The following LHFPL3 variants were observed in gnomAD, a reference collection of about 807,000 sequenced individuals.
The protein encoded by LHFPL3 is LHFPL tetraspan subfamily member 3 protein.
In LHFPL3, 5 loss-of-function variants were observed where a neutral mutation model predicts 19.3. That is an observed-to-expected ratio of 0.26 (90% CI 0.14 to 0.54). LHFPL3 has a LOEUF of 0.54. LHFPL3 is among the 20% of genes least tolerant of loss of function. The pLI is 0.94. For missense variants in LHFPL3, 249 were observed against 307.4 expected, an observed-to-expected ratio of 0.81 and a Z score of 1.42; for synonymous variants, 133 against 126.2, an observed-to-expected ratio of 1.05 and a Z score of -0.36.
chr7:104,371,114 C>G (rs1319056927), intron 1 of LHFPL3, among the ~76,000 whole-genome samples: 1 of 152,118 alleles, frequency 6.6e-6, no homozygotes, highest in Non-Finnish European at 1.5e-5. Flanking sequence ...GTCCTGTGGT[C>G]TGATTAGCTG....
chr7:104,641,003 G>A (rs1279085932), intron 1 of LHFPL3, among the ~76,000 whole-genome samples: 1 of 152,192 alleles, frequency 6.6e-6, no homozygotes, highest in Non-Finnish European at 1.5e-5. Flanking sequence ...TTCTTAGGTT[G>A]ACTCATATTA....
chr7:104,340,479 A>G (rs1482344738), intron 1 of LHFPL3, among the ~76,000 whole-genome samples: 1 of 152,146 alleles, frequency 6.6e-6, no homozygotes, highest in Non-Finnish European at 1.5e-5. Flanking sequence ...CATAGTAAGC[A>G]CTCAAAAAAA....
At chr7:104,687,382 G>T (rs1792826501) in intron 1 of LHFPL3, among the ~76,000 whole-genome samples, 1 of 152,066 alleles carries the variant, frequency 6.6e-6, no homozygotes, top group South Asian at 2.1e-4. Flanking sequence ...TTTTTATAGA[G>T]GCCTCATTAC....
At chr7:104,509,455 C>CATAT (rs1382666918) in intron 1 of LHFPL3, among the ~76,000 whole-genome samples, 1 of 151,924 alleles carries the variant, frequency 6.6e-6, no homozygotes, top group African/African-American at 2.4e-5. Flanking sequence ...TATAATCCAC[C>CATAT]ATATTCACAG....
At chr7:104,665,777 G>C (rs763290622) in intron 1 of LHFPL3, among the ~76,000 whole-genome samples, 1 of 152,180 alleles carries the variant, frequency 6.6e-6, no homozygotes, top group Non-Finnish European at 1.5e-5. Context: ...GGAGGAAATT[G>C]ACCTGTTTTG....
intron 1 of LHFPL3, among the ~76,000 whole-genome samples, chr7:104,603,066 T>TTCTTTCTTTC (rs1453775700): frequency 9.2e-6 from 1 of 108,904 alleles, no homozygotes; most frequent in Non-Finnish European, 1.8e-5. Context: ...CTTTCTTTCT[T>TTCTTTCTTTC]TTTCTTTCTT....
intron 2 of LHFPL3, among the ~76,000 whole-genome samples, chr7:104,763,461 C>T (rs2116377750): frequency 6.6e-6 from 1 of 152,328 alleles, no homozygotes; most frequent in Admixed American, 6.5e-5. Flanking sequence ...TATTGTTTTC[C>T]TATACATGGC....
intron 1 of LHFPL3, among the ~76,000 whole-genome samples, chr7:104,628,200 G>A (rs2216245): frequency 0.96 from 146,168 of 152,198 alleles, 70,424 homozygotes; most frequent in East Asian, 1. Flanking sequence ...CTCTACATCA[G>A]TGCTGATAAT....
chr7:104,446,258 G>T (rs988964986), intron 1 of LHFPL3, among the ~76,000 whole-genome samples: 7 of 152,184 alleles, frequency 4.6e-5, no homozygotes, highest in African/African-American at 1.7e-4. Flanking sequence ...TCTTATAGGA[G>T]GAAGGGGGCA....
At chr7:104,748,312 C>A (rs534002688) in intron 2 of LHFPL3, among the ~76,000 whole-genome samples, 2 of 151,246 alleles carry the variant, frequency 1.3e-5, no homozygotes, top group African/African-American at 4.9e-5. Flanking sequence ...AAGGGAAAGA[C>A]CTGACCGTCC....
intron 1 of LHFPL3, among the ~76,000 whole-genome samples, chr7:104,728,418 C>T (rs963789779): frequency 3.3e-5 from 5 of 152,152 alleles, no homozygotes; most frequent in African/African-American, 1.2e-4. Flanking sequence ...ATAACCCTTG[C>T]CTGCTTTGCA....
At chr7:104,666,722 C>A (rs139253039) in intron 1 of LHFPL3, among the ~76,000 whole-genome samples, 7 of 150,760 alleles carry the variant, frequency 4.6e-5, no homozygotes, top group African/African-American at 1.7e-4. Flanking sequence ...GGGGTTTCAC[C>A]GTTTTTAGCC....
intron 1 of LHFPL3, among the ~76,000 whole-genome samples, chr7:104,355,013 A>C (rs905935523): frequency 7.9e-5 from 12 of 152,322 alleles, no homozygotes; most frequent in African/African-American, 2.9e-4. Flanking sequence ...TCAGTGGTCA[A>C]ATTGAAATAT....
At chr7:104,505,713 A>T (rs931869262) in intron 1 of LHFPL3, among the ~76,000 whole-genome samples, 1 of 152,254 alleles carries the variant, frequency 6.6e-6, no homozygotes, top group Non-Finnish European at 1.5e-5. Context: ...GAAGAATCCA[A>T]TTGAGTATTC....
intron 2 of LHFPL3, among the ~76,000 whole-genome samples, chr7:104,841,727 G>A (rs976325857): frequency 3.3e-5 from 5 of 151,920 alleles, no homozygotes; most frequent in East Asian, 1.9e-4. Flanking sequence ...AAAACTGGAC[G>A]GATCTTTAAA....
chr7:104,711,769 C>T (rs1213110069), intron 1 of LHFPL3, among the ~76,000 whole-genome samples: 1 of 152,002 alleles, frequency 6.6e-6, no homozygotes, highest in Non-Finnish European at 1.5e-5. Context: ...CTGAGAAAAC[C>T]CAGAAGAGAT....
chr7:104,685,115 G>A (rs1584479549), intron 1 of LHFPL3, among the ~76,000 whole-genome samples: 2 of 152,252 alleles, frequency 1.3e-5, no homozygotes, highest in South Asian at 4.1e-4. Flanking sequence ...TTGGGAGGCC[G>A]AGGCGGGTGA....
chr7:104,437,816 G>A (rs1792140351), intron 1 of LHFPL3, among the ~76,000 whole-genome samples: 1 of 152,144 alleles, frequency 6.6e-6, no homozygotes, highest in African/African-American at 2.4e-5. Flanking sequence ...CAACTCATAA[G>A]CTCTTCAAAC....
At chr7:104,677,292 A>C (rs531010528) in intron 1 of LHFPL3, among the ~76,000 whole-genome samples, 2 of 151,692 alleles carry the variant, frequency 1.3e-5, no homozygotes, top group Non-Finnish European at 2.9e-5. Context: ...TAGGAGGATC[A>C]TTTGAGCCTC....
Sources: gnomAD v4.1 joint callset for allele counts (sites outside exome capture counted in the v4.1 genomes callset) on GRCh38, gnomAD v4.1.1 for gene constraint, MANE v1.5 for transcripts, NCBI Gene and HGNC (gene_info 2026-07-23, HGNC 2026-07-21) for gene names.